Variants in VPS13A observed in about 807,000 individuals in gnomAD.
VPS13A encodes intermembrane lipid transfer protein VPS13A.
VPS13A carries 264 observed loss-of-function variants against 390.9 expected under a neutral mutation model. That is an observed-to-expected ratio of 0.68 (90% CI 0.61 to 0.75). The LOEUF (loss-of-function observed/expected upper bound fraction) is 0.75. Ranked by LOEUF, VPS13A falls within the 30% of genes least tolerant of loss-of-function variation. The pLI is 0.00. For missense variants in VPS13A, 3,409 were observed against 3,733.9 expected, an observed-to-expected ratio of 0.91 and a Z score of 2.27; for synonymous variants, 1,231 against 1,227.1, an observed-to-expected ratio of 1.00 and a Z score of -0.07.
intron 63 of VPS13A, among the ~76,000 whole-genome samples, chr9:77,369,981 A>G (rs952164169): frequency 2.6e-5 from 4 of 152,238 alleles, no homozygotes; most frequent in Admixed American, 1.3e-4. Flanking sequence ...CATTTTGCTC[A>G]TAAACTTACA....
intron 35 of VPS13A, among the ~76,000 whole-genome samples, chr9:77,309,381 G>A (rs1166483431): frequency 6.6e-6 from 1 of 152,130 alleles, no homozygotes; most frequent in Non-Finnish European, 1.5e-5. Context: ...AGAAATAATT[G>A]AGGAAATGGA....
intron 52 of VPS13A, among the ~76,000 whole-genome samples, chr9:77,348,461 T>C (rs1831282971): frequency 6.6e-6 from 1 of 152,082 alleles, no homozygotes; most frequent in Non-Finnish European, 1.5e-5. Context: ...CTGGGGCCTG[T>C]TGGGGGCATG....
chr9:77,344,974 A>G (rs1183436898), intron 51 of VPS13A, 35 bp from the exon 52 acceptor site: 1 of 1,602,090 alleles, frequency 6.2e-7, no homozygotes, highest in Non-Finnish European at 8.5e-7. Context: ...TGGGAAAATG[A>G]TTACATTAAA....
intron 23 of VPS13A, 29 bp from the exon 24 acceptor site, chr9:77,273,251 T>A: frequency 6.5e-7 from 1 of 1,542,406 alleles, no homozygotes; most frequent in Non-Finnish European, 8.9e-7. Flanking sequence ...ATTTTTGTGC[T>A]AATCAACATT....
chr9:77,261,182 A>AGCC (rs1825741353), intron 23 of VPS13A, among the ~76,000 whole-genome samples: 1 of 152,126 alleles, frequency 6.6e-6, no homozygotes, highest in African/African-American at 2.4e-5. Context: ...TACAGGCGTG[A>AGCC]ACCACCGTGC....
intron 38 of VPS13A, 22 bp downstream of exon 38, chr9:77,315,492 T>C (rs1347710688): frequency 6.2e-7 from 1 of 1,606,882 alleles, no homozygotes. Flanking sequence ...GCTAAAATAT[T>C]TAATATTTGT....
intron 68 of VPS13A, among the ~76,000 whole-genome samples, chr9:77,387,730 T>C (rs1027885356): frequency 9.9e-5 from 15 of 152,210 alleles, no homozygotes; most frequent in African/African-American, 3.6e-4. Context: ...TTTCCTTATT[T>C]AAAATAATCA....
rs142421982 is a variant in VPS13A, at chr9:77,230,921, GAAC to G, written c.1595+2661_1595+2663del. On this transcript the variant is annotated intron_variant, in intron 17 of 71. Coordinates refer to ENST00000360280, the MANE Select transcript of VPS13A (RefSeq NM_033305.3). ...TCATTTATTTAGATTTTTAAAATTT[GAAC>G]AACGTTTTACAGTTTTCAGATACAG... 5.5e-3 allele frequency among the ~76,000 whole-genome samples: 834 copies of G among 152,118 alleles called. 3 individuals are homozygous for G. Among genetic ancestry groups the G allele is most frequent in the Non-Finnish European group, 8.7e-3 (590 of 67,948 alleles).
At chr9:77,237,975 G>A (rs1214526665) in intron 17 of VPS13A, 27 bp from the exon 18 acceptor site, 1 of 1,529,870 alleles carries the variant, frequency 6.5e-7, no homozygotes, top group Non-Finnish European at 9.0e-7. Flanking sequence ...ACTGATCGCT[G>A]ACTTTTTTCT....
Position 77,240,477 on chromosome 9 carries a change from TG to T in VPS13A, c.1900+2092del, listed in dbSNP as rs376807942. ...CTGTGGTTTGTTTTTGTTATGTTTT[TG>T]TTTTTTTTTTTTTTTTTTGACAGTG... On this transcript the variant is annotated intron_variant, in intron 19 of 71. Transcript: ENST00000360280. Among the ~76,000 whole-genome samples the T allele has an allele frequency of 9.6e-4, 107 of 111,594 alleles. 1 individual carries two copies. Among genetic ancestry groups the T allele is most frequent in the African/African-American group, 2.9e-3 (93 of 31,930 alleles). 73.2% of individuals were successfully genotyped at this position (111,594 alleles called of 152,430 possible). A position where few individuals can be genotyped will look rare whatever the true frequency, so the allele number is the denominator to read the frequency against.
intron 52 of VPS13A, chr9:77,351,102 A>G (rs1831439917): frequency 2.1e-6 from 1 of 479,004 alleles, no homozygotes; most frequent in Non-Finnish European, 3.6e-6. Context: ...TTTATTTCCT[A>G]AGTAGAACAT....
At position 77,410,320 on chromosome 9, in the gene VPS13A, G is replaced by A. The variant is rs189700104; in HGVS notation, c.9474+2713G>A. 2.8e-3 allele frequency among the ~76,000 whole-genome samples: 423 copies of A among 151,804 alleles called. 2 individuals carry two copies. Among genetic ancestry groups the A allele is most frequent in the African/African-American group, 8.7e-3 (358 of 41,386 alleles). On this transcript the variant is annotated intron_variant, in intron 71 of 71. Coordinates refer to ENST00000360280, the MANE Select transcript of VPS13A (RefSeq NM_033305.3). ...GCACTAGACATGGAAAGGAACAACC[G>A]GTACCAGCCACTGCAAAAACATGCC...
intron 1 of VPS13A, among the ~76,000 whole-genome samples, chr9:77,198,330 A>G (rs376703176): frequency 2.3e-4 from 35 of 152,144 alleles, no homozygotes; most frequent in African/African-American, 8.2e-4. Flanking sequence ...GTCATAATTT[A>G]TTGTTCTGTT....
At chr9:77,315,118 A>G (rs1365742234) in intron 37 of VPS13A, 135 bp from the exon 38 acceptor site, 1 of 755,794 alleles carries the variant, frequency 1.3e-6, no homozygotes, top group Non-Finnish European at 2.2e-6. Flanking sequence ...CACTTTATGG[A>G]TCTTCCCAAG....
At chr9:77,286,310 C>T (rs906042825) in intron 31 of VPS13A, among the ~76,000 whole-genome samples, 6 of 152,126 alleles carry the variant, frequency 3.9e-5, no homozygotes, top group South Asian at 2.1e-4. Flanking sequence ...AAAACACCCT[C>T]GAGGGGTGCC....
chr9:77,232,622 G>A (rs946422292), intron 17 of VPS13A, among the ~76,000 whole-genome samples: 1 of 152,238 alleles, frequency 6.6e-6, no homozygotes, highest in Admixed American at 6.5e-5. Flanking sequence ...TATGGCTGGG[G>A]TGGCCTCACA....
intron 12 of VPS13A, among the ~76,000 whole-genome samples, chr9:77,220,713 C>G (rs1823162840): frequency 6.6e-6 from 1 of 152,054 alleles, no homozygotes; most frequent in Admixed American, 6.6e-5. Flanking sequence ...CCCACCTCAG[C>G]TTCCCTATCA....
intron 46 of VPS13A, among the ~76,000 whole-genome samples, chr9:77,335,509 A>G (rs1170027814): frequency 6.6e-6 from 1 of 152,236 alleles, no homozygotes; most frequent in African/African-American, 2.4e-5. Flanking sequence ...AAAAATTTAC[A>G]AGAAAAAAAC....
chr9:77,403,379 T>A, intron 69 of VPS13A, 58 bp downstream of exon 69: 2 of 1,361,796 alleles, frequency 1.5e-6, no homozygotes, highest in Admixed American at 3.4e-5. Context: ...CAGCGACTCA[T>A]GAGGTGAAGA....
Sources: gnomAD v4.1 joint callset for allele counts (sites outside exome capture counted in the v4.1 genomes callset) on GRCh38, gnomAD v4.1.1 for gene constraint, MANE v1.5 for transcripts, NCBI Gene and HGNC (gene_info 2026-07-23, HGNC 2026-07-21) for gene names.